The following LMO1 variants were observed in gnomAD, a reference collection of about 807,000 sequenced individuals.
LMO1 encodes the protein LIM domain only 1.
Under a neutral mutation model 18.0 loss-of-function variants are expected in LMO1, and 10 were observed. The observed-to-expected ratio is 0.55, with a 90% CI of 0.34 to 0.94. The LOEUF (loss-of-function observed/expected upper bound fraction) is 0.94, where lower values mean the gene tolerates loss of function less well. Ranked by LOEUF, LMO1 falls within the 40% of genes least tolerant of loss-of-function variation. The pLI is 0.02. For missense variants in LMO1, 183 were observed against 205.7 expected, an observed-to-expected ratio of 0.89 and a Z score of 0.68; for synonymous variants, 77 against 77.9, an observed-to-expected ratio of 0.99 and a Z score of 0.06.
At chr11:8,229,745 C>T (rs1402382934) in intron 2 of LMO1, among the ~76,000 whole-genome samples, 1 of 152,242 alleles carries the variant, frequency 6.6e-6, no homozygotes, top group Non-Finnish European at 1.5e-5. Context: ...TAGTTCCAAC[C>T]CAGGTCTTGA....
chr11:8,251,780 G>A (rs1205655158), intron 1 of LMO1, among the ~76,000 whole-genome samples: 1 of 151,398 alleles, frequency 6.6e-6, no homozygotes, highest in East Asian at 1.9e-4. Context: ...TGTGTGGAGG[G>A]GTGGAGGGGT....
At chr11:8,256,350 G>T (rs935301171) in intron 1 of LMO1, among the ~76,000 whole-genome samples, 1 of 152,188 alleles carries the variant, frequency 6.6e-6, no homozygotes, top group Non-Finnish European at 1.5e-5. Context: ...GGCCCAGTGC[G>T]CTGAAGTCAC....
chr11:8,247,325 A>C (rs1370832360), intron 1 of LMO1, among the ~76,000 whole-genome samples: 2 of 152,136 alleles, frequency 1.3e-5, no homozygotes, highest in Non-Finnish European at 2.9e-5. Context: ...TGTGAGCCCC[A>C]CCTGGCACAG....
At chr11:8,224,787 A>G in intron 3 of LMO1, 66 bp from the exon 4 acceptor site, 1 of 1,031,532 alleles carries the variant, frequency 9.7e-7, no homozygotes, top group South Asian at 1.4e-5. Flanking sequence ...GGGGCTGCAG[A>G]CAGAAGCCGG....
upstream of LMO1, chr11:8,263,938 G>A (rs1361956330): frequency 6.3e-6 from 6 of 946,456 alleles, no homozygotes; most frequent in East Asian, 3.4e-4. Context: ...CCACCCTCCC[G>A]GGTTAATGGG....
intron 1 of LMO1, among the ~76,000 whole-genome samples, chr11:8,253,929 T>A (rs1847047138): frequency 6.6e-6 from 1 of 152,150 alleles, no homozygotes; most frequent in Non-Finnish European, 1.5e-5. Context: ...GCCGACAGAA[T>A]GCCTCCCCTA....
At chr11:8,266,362 C>T (rs1349792796), upstream of LMO1, among the ~76,000 whole-genome samples, 5 of 147,936 alleles carry the variant, frequency 3.4e-5, no homozygotes, top group South Asian at 9.1e-4. Context: ...CCCCCATACT[C>T]GCCCCACCCC....
chr11:8,224,796 G>A (rs3816490), intron 3 of LMO1, 75 bp from the exon 4 acceptor site: 145,959 of 952,502 alleles, frequency 0.15, 13,779 homozygotes, highest in East Asian at 0.38. Context: ...GACAGAAGCC[G>A]GCCTGGCCTA....
chr11:8,225,951 G>T (rs1023678792), intron 3 of LMO1, among the ~76,000 whole-genome samples: 1 of 152,192 alleles, frequency 6.6e-6, no homozygotes, highest in Non-Finnish European at 1.5e-5. Context: ...AAGGGCTCTG[G>T]CTCCTTAGGT....
chr11:8,255,343 C>CA (rs1449967308), intron 1 of LMO1, among the ~76,000 whole-genome samples: 1 of 152,104 alleles, frequency 6.6e-6, no homozygotes, highest in Non-Finnish European at 1.5e-5. Context: ...CTCATCTCTA[C>CA]AAAAAATACG....
chr11:8,240,981 G>T (rs546686024), intron 1 of LMO1, among the ~76,000 whole-genome samples: 49 of 152,166 alleles, frequency 3.2e-4, no homozygotes, highest in Non-Finnish European at 5.7e-4. Flanking sequence ...TTGTCACTTG[G>T]AATGAGGCTT....
chr11:8,224,757 A>C, intron 3 of LMO1, 36 bp from the exon 4 acceptor site: 1 of 1,419,744 alleles, frequency 7.0e-7, no homozygotes, highest in Non-Finnish European at 9.8e-7. Flanking sequence ...AGCCATGGGA[A>C]GGTCCCAGTG....
At position 8,230,374 on chromosome 11, in the gene LMO1, G is replaced by T. The variant is rs3750952; in HGVS notation, c.156C>A (p.Ala52=). 2.0e-5 allele frequency: 32 copies of T among 1,613,916 alleles called. 1 individual carries two copies. In the South Asian group the frequency reaches 2.7e-4, roughly 14 times the overall value. Residue 52 remains alanine (A), a synonymous_variant, in exon 2 of 4, where the codon GCC becomes GCA. Coordinates refer to ENST00000335790, the MANE Select transcript of LMO1 (RefSeq NM_002315.3). The part of the protein sequence containing the change: ...KYWHEDCLKC[A]CCDCRLGEVG... Reference sequence around the variant, plus strand: ...CCTCGCCCAGGCGGCAGTCACAGCAGGCACACTTGAGGCAGTCTTCGTGCC... The same window carrying T: ...CCTCGCCCAGGCGGCAGTCACAGCATGCACACTTGAGGCAGTCTTCGTGCC...
chr11:8,250,731 C>T (rs749152050), intron 1 of LMO1, among the ~76,000 whole-genome samples: 5 of 152,364 alleles, frequency 3.3e-5, no homozygotes, highest in South Asian at 2.1e-4. Flanking sequence ...CCATGCCAGT[C>T]GGATGCAGCC....
intron 1 of LMO1, 72 bp downstream of exon 1, chr11:8,263,266 C>CGT (rs1156598312): frequency 6.0e-6 from 9 of 1,503,062 alleles, no homozygotes; most frequent in Non-Finnish European, 7.2e-6. Context: ...CGTGTCCCCG[C>CGT]GTGTGTGTGC....
intron 1 of LMO1, among the ~76,000 whole-genome samples, chr11:8,260,867 G>T (rs1847174373): frequency 6.6e-6 from 1 of 152,238 alleles, no homozygotes; most frequent in East Asian, 1.9e-4. Flanking sequence ...TGCAGGGAAC[G>T]CACCCTTTGG....
At chr11:8,263,990 G>T, upstream of LMO1, 3 of 451,814 alleles carry the variant, frequency 6.6e-6, no homozygotes, top group Non-Finnish European at 9.0e-6. Context: ...GCGCCACCTG[G>T]AGGCTTCTAG....
At chr11:8,258,112 G>A (rs1244914932) in intron 1 of LMO1, among the ~76,000 whole-genome samples, 1 of 152,154 alleles carries the variant, frequency 6.6e-6, no homozygotes, top group Non-Finnish European at 1.5e-5. Context: ...TGGACATATT[G>A]GACCTACATA....
intron 1 of LMO1, among the ~76,000 whole-genome samples, chr11:8,250,450 A>T (rs1343271358): frequency 6.6e-6 from 1 of 152,242 alleles, no homozygotes; most frequent in Non-Finnish European, 1.5e-5. Flanking sequence ...CAGTGATCTG[A>T]TAAACACTCC....
Sources: allele counts gnomAD v4.1 joint callset (sites outside exome capture counted in the v4.1 genomes callset), GRCh38; gene constraint gnomAD v4.1.1; transcripts MANE v1.5; gene names NCBI Gene and HGNC (gene_info 2026-07-23, HGNC 2026-07-21).